The following KIAA1328 variants were observed in gnomAD, a reference collection of about 807,000 sequenced individuals.
The protein encoded by KIAA1328 is KIAA1328, also known as protein hinderin.
Under a neutral mutation model 68.1 loss-of-function variants are expected in KIAA1328, and 52 were observed. The observed-to-expected ratio is 0.76, with a 90% CI of 0.61 to 0.96. The LOEUF (loss-of-function observed/expected upper bound fraction) is 0.96, where lower values mean the gene tolerates loss of function less well. Ranked by LOEUF, KIAA1328 falls within the 40% of genes least tolerant of loss-of-function variation. The pLI is 0.00. For missense variants in KIAA1328, 641 were observed against 677.6 expected (o/e 0.95, Z 0.60); for synonymous variants, 232 against 239.4 (o/e 0.97, Z 0.28).
At chr18:37,144,500 T>C (rs2058850346) in intron 7 of KIAA1328, among the ~76,000 whole-genome samples, 1 of 152,078 alleles carries the variant, frequency 6.6e-6, no homozygotes, top group Non-Finnish European at 1.5e-5. Flanking sequence ...AACTCTTTTC[T>C]AATACCAGCA....
At chr18:37,143,282 G>T (rs1386923337) in intron 7 of KIAA1328, among the ~76,000 whole-genome samples, 1 of 151,968 alleles carries the variant, frequency 6.6e-6, no homozygotes, top group African/African-American at 2.4e-5. Context: ...ATTTAACTCA[G>T]CAATGCCATA....
intron 7 of KIAA1328, among the ~76,000 whole-genome samples, chr18:37,152,746 A>G (rs1376489677): frequency 2.0e-5 from 3 of 152,228 alleles, no homozygotes; most frequent in African/African-American, 7.2e-5. Flanking sequence ...ATTATGGTAC[A>G]GGGCTAAAAA....
At chr18:36,943,728 G>A (rs2050793804) in intron 5 of KIAA1328, among the ~76,000 whole-genome samples, 1 of 152,058 alleles carries the variant, frequency 6.6e-6, no homozygotes, top group Non-Finnish European at 1.5e-5. Context: ...TTGTTTTGAT[G>A]GATAACATAG....
chr18:37,057,063 A>G (rs118149549), intron 6 of KIAA1328, among the ~76,000 whole-genome samples: 3,725 of 152,238 alleles, frequency 0.024, 61 homozygotes, highest in Non-Finnish European at 0.036. Context: ...ATCCCCCTAC[A>G]TGCTTTTCTG....
chr18:36,991,372 C>A (rs181465127), intron 6 of KIAA1328, among the ~76,000 whole-genome samples: 1 of 152,152 alleles, frequency 6.6e-6, no homozygotes, highest in African/African-American at 2.4e-5. Context: ...ATTAATCTTT[C>A]CATGTGCCAA....
chr18:36,858,236 A>G lies in KIAA1328; in HGVS notation c.332+13934A>G, dbSNP rs145662504. 2.9e-3 allele frequency among the ~76,000 whole-genome samples: 445 copies of G among 152,280 alleles called. 4 individuals carry two copies. Among genetic ancestry groups the G allele is most frequent in the African/African-American group, 9.7e-3 (404 of 41,564 alleles). ...TTATATTTTCTTGATAGACTATTTTATCATCACATGCCCCCTTCATCCCTG... is the reference window on the plus strand; with the variant it reads ...TTATATTTTCTTGATAGACTATTTTGTCATCACATGCCCCCTTCATCCCTG... On this transcript the variant is annotated intron_variant, in intron 4 of 9. Transcript: ENST00000280020.
At chr18:36,860,464 A>G (rs1377362829) in intron 4 of KIAA1328, among the ~76,000 whole-genome samples, 1 of 151,638 alleles carries the variant, frequency 6.6e-6, no homozygotes, top group African/African-American at 2.4e-5. Context: ...ATTTTTTTTC[A>G]TTGTTGTTAA....
chr18:36,879,185 C>T (rs570942851), intron 4 of KIAA1328, among the ~76,000 whole-genome samples: 1 of 151,562 alleles, frequency 6.6e-6, no homozygotes, highest in South Asian at 2.1e-4. Flanking sequence ...TGTTAGTAAC[C>T]TTTGGATGGG....
intron 5 of KIAA1328, among the ~76,000 whole-genome samples, chr18:36,897,703 A>G (rs2151021036): frequency 6.6e-6 from 1 of 152,238 alleles, no homozygotes; most frequent in East Asian, 1.9e-4. Context: ...GAGACAGGCT[A>G]AAACCACAAG....
intron 6 of KIAA1328, among the ~76,000 whole-genome samples, chr18:37,032,262 A>C (rs549023758): frequency 1.3e-5 from 2 of 152,114 alleles, no homozygotes; most frequent in African/African-American, 4.8e-5. Context: ...GAATGCTTCC[A>C]TTTCCCACTT....
At chr18:36,875,632 C>A (rs991603544) in intron 4 of KIAA1328, among the ~76,000 whole-genome samples, 1 of 152,164 alleles carries the variant, frequency 6.6e-6, no homozygotes, top group Non-Finnish European at 1.5e-5. Flanking sequence ...ATTTGACTTC[C>A]TCTTCTTCTC....
chr18:36,927,731 C>T (rs773062768), intron 5 of KIAA1328, among the ~76,000 whole-genome samples: 3 of 151,458 alleles, frequency 2.0e-5, no homozygotes, highest in African/African-American at 4.9e-5. Flanking sequence ...GCATTCCACC[C>T]GGGGTGACAG....
chr18:37,090,967 A>G (rs2057250506), intron 7 of KIAA1328, among the ~76,000 whole-genome samples: 1 of 152,180 alleles, frequency 6.6e-6, no homozygotes, highest in African/African-American at 2.4e-5. Context: ...TGAAGGTATA[A>G]TAAGAAATCA....
intron 7 of KIAA1328, among the ~76,000 whole-genome samples, chr18:37,106,935 G>A (rs112614582): frequency 3.0e-4 from 45 of 152,222 alleles, no homozygotes; most frequent in African/African-American, 1.0e-3. Context: ...CACTAGTTGG[G>A]AATCGCTTTT....
At chr18:37,070,691 C>A (rs1263188601) in intron 7 of KIAA1328, among the ~76,000 whole-genome samples, 1 of 151,770 alleles carries the variant, frequency 6.6e-6, no homozygotes, top group African/African-American at 2.4e-5. Context: ...CTGCCTCAGC[C>A]TCCCGAATAG....
intron 9 of KIAA1328, among the ~76,000 whole-genome samples, chr18:37,215,223 G>A (rs2060404636): frequency 2.0e-5 from 3 of 152,274 alleles, no homozygotes; most frequent in Non-Finnish European, 2.9e-5. Flanking sequence ...TCCCTGTCTT[G>A]TGCCAGTTTT....
chr18:36,835,137 G>C (rs1221184969), intron 2 of KIAA1328, 97 bp from the exon 3 acceptor site: 20 of 899,762 alleles, frequency 2.2e-5, no homozygotes, highest in Non-Finnish European at 3.3e-5. Context: ...CCTCCATCAG[G>C]TCCCTTAAAG....
chr18:37,078,378 A>G (rs1375434163), intron 7 of KIAA1328, among the ~76,000 whole-genome samples: 1 of 151,940 alleles, frequency 6.6e-6, no homozygotes, highest in East Asian at 1.9e-4. Context: ...TAAAAACCCT[A>G]GAAGAAAACC....
At chr18:36,840,001 A>G (rs2046806521) in intron 3 of KIAA1328, among the ~76,000 whole-genome samples, 1 of 152,140 alleles carries the variant, frequency 6.6e-6, no homozygotes, top group African/African-American at 2.4e-5. Context: ...GAGCTCTCCT[A>G]TGCAGCTCTA....
Sources: allele counts gnomAD v4.1 joint callset (sites outside exome capture counted in the v4.1 genomes callset), GRCh38; gene constraint gnomAD v4.1.1; transcripts MANE v1.5; gene names NCBI Gene and HGNC (gene_info 2026-07-23, HGNC 2026-07-21).